Variants in PTPRM observed in about 807,000 individuals in gnomAD.
PTPRM encodes protein tyrosine phosphatase receptor type M.
In PTPRM, 47 loss-of-function variants were observed where a neutral mutation model predicts 186.7. The observed-to-expected ratio is 0.25, with a 90% CI of 0.20 to 0.32. The LOEUF (loss-of-function observed/expected upper bound fraction) is 0.32. PTPRM is among the 10% of genes least tolerant of loss of function. The pLI, the probability that PTPRM is intolerant of heterozygous loss-of-function variation, is 1.00. For synonymous variants in PTPRM, 668 were observed against 674.9 expected, an observed-to-expected ratio of 0.99 and a Z score of 0.16; for missense variants, 1,494 against 1,865.0, an observed-to-expected ratio of 0.80 and a Z score of 3.66.
chr18:7,754,579 C>T (rs1446383825), intron 1 of PTPRM, among the ~76,000 whole-genome samples: 1 of 152,214 alleles, frequency 6.6e-6, no homozygotes, highest in Non-Finnish European at 1.5e-5. Flanking sequence ...AATTGCCAAG[C>T]AGTCATGCCA....
At chr18:7,772,264 C>CTTTTCTTTTCTTTTCTTTTCTTTTCTT in intron 1 of PTPRM, among the ~76,000 whole-genome samples, 1 of 151,418 alleles carries the variant, frequency 6.6e-6, no homozygotes, top group African/African-American at 2.4e-5. Context: ...CTTTTCTTTT[C>CTTTTCTTTTCTTTTCTTTTCTTTTCTT]TTTTCTTTTC....
chr18:8,040,528 T>C (rs2086628021), intron 7 of PTPRM, among the ~76,000 whole-genome samples: 1 of 152,206 alleles, frequency 6.6e-6, no homozygotes, highest in Non-Finnish European at 1.5e-5. Flanking sequence ...TTGTAAACAG[T>C]GATATGTATT....
chr18:8,144,659 G>A (rs2092839427), intron 14 of PTPRM, among the ~76,000 whole-genome samples: 1 of 152,096 alleles, frequency 6.6e-6, no homozygotes, highest in African/African-American at 2.4e-5. Flanking sequence ...CTGGGGGAGA[G>A]AAAAACAGAT....
intron 22 of PTPRM, among the ~76,000 whole-genome samples, chr18:8,321,242 T>G (rs2095343695): frequency 6.6e-6 from 1 of 152,184 alleles, no homozygotes. Context: ...CTCCAATAAC[T>G]TGATTAGCAA....
chr18:8,021,320 AC>A (rs2085210154), intron 7 of PTPRM, among the ~76,000 whole-genome samples: 3 of 13,534 alleles, frequency 2.2e-4, no homozygotes, highest in African/African-American at 1.4e-3. Context: ...TAAAAGAGAC[AC>A]ACACACACAC....
intron 31 of PTPRM, among the ~76,000 whole-genome samples, chr18:8,389,532 T>C (rs902552246): frequency 1.3e-5 from 2 of 152,160 alleles, no homozygotes; most frequent in African/African-American, 2.4e-5. Flanking sequence ...TCTCTTCCCA[T>C]TTTCCACTGA....
At chr18:8,265,676 A>G (rs1436821111) in intron 19 of PTPRM, among the ~76,000 whole-genome samples, 1 of 152,210 alleles carries the variant, frequency 6.6e-6, no homozygotes, top group African/African-American at 2.4e-5. Flanking sequence ...TTTTTTTCAA[A>G]TAACAGTGCT....
At chr18:7,902,487 T>C (rs931294340) in intron 3 of PTPRM, among the ~76,000 whole-genome samples, 1 of 152,184 alleles carries the variant, frequency 6.6e-6, no homozygotes, top group Non-Finnish European at 1.5e-5. Flanking sequence ...GTGGCACAGG[T>C]TCCCTGGCTT....
intron 7 of PTPRM, among the ~76,000 whole-genome samples, chr18:7,993,603 G>C (rs761362700): frequency 2.0e-5 from 3 of 151,972 alleles, no homozygotes; most frequent in African/African-American, 7.2e-5. Flanking sequence ...AAAGACTCCT[G>C]GTGAAGAATA....
intron 13 of PTPRM, among the ~76,000 whole-genome samples, chr18:8,126,027 A>ATATATTTTTTTTTT (rs57751538): frequency 8.6e-5 from 6 of 69,528 alleles, no homozygotes; most frequent in Non-Finnish European, 8.5e-5. Context: ...ATATATATAT[A>ATATATTTTTTTTTT]TTTTAAATCA....
intron 1 of PTPRM, among the ~76,000 whole-genome samples, chr18:7,752,462 C>T (rs1439045794): frequency 6.6e-6 from 1 of 152,084 alleles, no homozygotes; most frequent in African/African-American, 2.4e-5. Flanking sequence ...TTGCTCTTGT[C>T]GCCCAGGCTG....
chr18:8,251,376 C>G (rs1236236720), intron 17 of PTPRM, among the ~76,000 whole-genome samples: 2 of 152,222 alleles, frequency 1.3e-5, no homozygotes, highest in Non-Finnish European at 2.9e-5. Flanking sequence ...AAGAACAGAA[C>G]TTCCTGCTGG....
At chr18:7,997,035 A>G (rs2147715963) in intron 7 of PTPRM, among the ~76,000 whole-genome samples, 1 of 152,286 alleles carries the variant, frequency 6.6e-6, no homozygotes, top group East Asian at 1.9e-4. Flanking sequence ...AGAAATAGAA[A>G]AACAATCCTG....
chr18:7,838,420 G>C (rs1218215186), intron 2 of PTPRM, among the ~76,000 whole-genome samples: 1 of 152,194 alleles, frequency 6.6e-6, no homozygotes, highest in Non-Finnish European at 1.5e-5. Flanking sequence ...ATATCATAGA[G>C]GTACCACTTT....
chr18:8,195,662 C>G (rs868616949), intron 14 of PTPRM, among the ~76,000 whole-genome samples: 30 of 152,184 alleles, frequency 2.0e-4, no homozygotes, highest in African/African-American at 6.8e-4. Flanking sequence ...ACCACCTGTT[C>G]TCACTTACAA....
chr18:8,096,842 C>T (rs1212944061), intron 11 of PTPRM, among the ~76,000 whole-genome samples: 1 of 152,204 alleles, frequency 6.6e-6, no homozygotes, highest in East Asian at 1.9e-4. Context: ...CTCACTTTCA[C>T]ATATGTGAAA....
chr18:8,238,096 AAAAAT>A (rs2094367751), intron 14 of PTPRM, among the ~76,000 whole-genome samples: 1 of 152,222 alleles, frequency 6.6e-6, no homozygotes, highest in Non-Finnish European at 1.5e-5. Flanking sequence ...TCAGTAATAG[AAAAAT>A]AACTGGAAAA....
intron 19 of PTPRM, among the ~76,000 whole-genome samples, chr18:8,262,575 A>G (rs1464976313): frequency 6.6e-6 from 1 of 151,786 alleles, no homozygotes; most frequent in Non-Finnish European, 1.5e-5. Context: ...CTCCTCCTTC[A>G]CTTGCCAAAT....
intron 13 of PTPRM, among the ~76,000 whole-genome samples, chr18:8,119,493 A>G (rs1197856776): frequency 6.6e-6 from 1 of 152,200 alleles, no homozygotes; most frequent in African/African-American, 2.4e-5. Flanking sequence ...ATATATGCTA[A>G]TCTGCTGTTA....
Sources: gnomAD v4.1 joint callset for allele counts (sites outside exome capture counted in the v4.1 genomes callset) on GRCh38, gnomAD v4.1.1 for gene constraint, MANE v1.5 for transcripts, NCBI Gene and HGNC (gene_info 2026-07-23, HGNC 2026-07-21) for gene names.